NALF1: variants seen among roughly 807,000 people sequenced by gnomAD.
NALF1 encodes family with sequence similarity 155 member A.
In NALF1, 3 loss-of-function variants were observed where a neutral mutation model predicts 48.4. That is an observed-to-expected ratio of 0.06 (90% CI 0.03 to 0.16). The LOEUF (loss-of-function observed/expected upper bound fraction) is 0.16, where lower values mean the gene tolerates loss of function less well. Among genes scored for constraint, NALF1 ranks in the 10% least tolerant of loss-of-function variants. The pLI is 1.00. For synonymous variants in NALF1, 262 were observed against 245.7 expected (o/e 1.07, Z -0.62); for missense variants, 526 against 571.5 (o/e 0.92, Z 0.81).
In NALF1 at chr13:107,338,862, G is replaced by A. The variant is rs1882612606; in HGVS notation, c.916-128107C>T. 5.3e-5 allele frequency among the ~76,000 whole-genome samples: 8 copies of A among 152,152 alleles called. 1 individual carries two copies. Among genetic ancestry groups the A allele is most frequent in the Admixed American group, 5.2e-4 (8 of 15,274 alleles). On this transcript the variant is annotated intron_variant, in intron 1 of 2. Coordinates refer to ENST00000375915, the MANE Select transcript of NALF1 (RefSeq NM_001080396.3). ...AGTTACAGCTTGACGGCCGGGAGCTGTGGCTCATGCCTGTAATCCCAGTAC... is the reference window on the plus strand; with the variant it reads ...AGTTACAGCTTGACGGCCGGGAGCTATGGCTCATGCCTGTAATCCCAGTAC...
At chr13:107,361,314 G>C (rs564797605) in intron 1 of NALF1, among the ~76,000 whole-genome samples, 112 of 152,264 alleles carry the variant, frequency 7.4e-4, no homozygotes, top group Admixed American at 1.4e-3. Context: ...GAAGTCCACC[G>C]AATGAACAAG....
At chr13:107,619,137 G>A (rs1037025956) in intron 1 of NALF1, among the ~76,000 whole-genome samples, 18 of 152,200 alleles carry the variant, frequency 1.2e-4, no homozygotes, top group African/African-American at 3.6e-4. Context: ...TATTTAAATG[G>A]CAATAGCCGT....
intron 1 of NALF1, among the ~76,000 whole-genome samples, chr13:107,476,275 T>C (rs1885176197): frequency 6.6e-6 from 1 of 152,078 alleles, no homozygotes; most frequent in African/African-American, 2.4e-5. Flanking sequence ...AGGCGGTGAT[T>C]ATAAAATAAA....
intron 1 of NALF1, among the ~76,000 whole-genome samples, chr13:107,668,876 T>C (rs543011783): frequency 1.7e-4 from 26 of 152,194 alleles, no homozygotes; most frequent in African/African-American, 3.9e-4. Context: ...GTGAGCTTCA[T>C]AGAAGACAGA....
At chr13:107,758,907 G>A (rs1246815658) in intron 1 of NALF1, among the ~76,000 whole-genome samples, 1 of 152,126 alleles carries the variant, frequency 6.6e-6, no homozygotes, top group Non-Finnish European at 1.5e-5. Context: ...CAAGACCACT[G>A]AAACCCTACC....
intron 2 of NALF1, among the ~76,000 whole-genome samples, chr13:107,201,175 CTATCT>C (rs1879509839): frequency 7.0e-6 from 1 of 142,164 alleles, no homozygotes; most frequent in African/African-American, 2.7e-5. Flanking sequence ...TATCATCTAT[CTATCT>C]ATCTATCTAT....
intron 1 of NALF1, among the ~76,000 whole-genome samples, chr13:107,828,732 G>C (rs1364220464): frequency 6.6e-6 from 1 of 151,338 alleles, no homozygotes; most frequent in Admixed American, 6.6e-5. Flanking sequence ...ATTTCTGCTT[G>C]GAGAAGCAAA....
At chr13:107,307,589 T>C (rs1196343415) in intron 1 of NALF1, among the ~76,000 whole-genome samples, 1 of 150,478 alleles carries the variant, frequency 6.6e-6, no homozygotes, top group African/African-American at 2.4e-5. Context: ...GTTCAGGCGA[T>C]TCTCCTGCCT....
intron 1 of NALF1, among the ~76,000 whole-genome samples, chr13:107,657,656 C>A (rs1178113071): frequency 6.6e-6 from 1 of 152,130 alleles, no homozygotes; most frequent in East Asian, 1.9e-4. Flanking sequence ...AGTGACTACT[C>A]TGAATACTCA....
intron 1 of NALF1, among the ~76,000 whole-genome samples, chr13:107,443,048 G>C (rs1420737308): frequency 6.6e-6 from 1 of 152,050 alleles, no homozygotes; most frequent in Non-Finnish European, 1.5e-5. Flanking sequence ...ATATTAAGAA[G>C]GCAGCATTTG....
In NALF1 at chr13:107,866,648, G is replaced by A. The variant is rs1027083334; in HGVS notation, c.-52C>T. The A allele has an allele frequency of 2.0e-6, 3 of 1,479,750 alleles. No homozygotes were observed. Among genetic ancestry groups the A allele is most frequent in the Non-Finnish European group, 2.7e-6 (3 of 1,092,548 alleles). 91.7% of individuals were successfully genotyped at this position (1,479,750 alleles called of 1,614,324 possible). On this transcript the variant is annotated 5_prime_UTR_variant, in exon 1 of 3. Transcript: ENST00000375915. The surrounding 1 kb of genome is among the most constrained non-coding windows in gnomAD (Gnocchi z 4.4). ...ACTCCACCGTGAGGGCGCCTGTGCC[G>A]GTGTCACCACAATATGCATTGACTT...
chr13:107,619,153 C>G (rs933554071), intron 1 of NALF1, among the ~76,000 whole-genome samples: 2 of 152,202 alleles, frequency 1.3e-5, no homozygotes, highest in Non-Finnish European at 1.5e-5. Flanking sequence ...GCCGTGGTGT[C>G]TGGTGAACAC....
At chr13:107,558,028 G>A (rs1445890914) in intron 1 of NALF1, among the ~76,000 whole-genome samples, 1 of 151,980 alleles carries the variant, frequency 6.6e-6, no homozygotes, top group Non-Finnish European at 1.5e-5. Context: ...ACTGAGCACA[G>A]GAAACACAAC....
chr13:107,866,765 TCTCTCC>T lies in NALF1; in HGVS notation c.-175_-170del, dbSNP rs947273650. The T allele has an allele frequency of 9.3e-5, 56 of 603,186 alleles. 1 individual carries two copies. Among genetic ancestry groups the T allele is most frequent in the South Asian group, 2.8e-4 (14 of 49,216 alleles). 37.4% of individuals were successfully genotyped at this position (603,186 alleles called of 1,614,324 possible). On this transcript the variant is annotated 5_prime_UTR_variant, in exon 1 of 3. Coordinates refer to ENST00000375915, the MANE Select transcript of NALF1 (RefSeq NM_001080396.3). The surrounding 1 kb of genome is among the most constrained non-coding windows in gnomAD (Gnocchi z 4.4). The stretch of plus-strand genomic sequence containing the variant: ...CCCCTCTCCCTCTCTCCTCTCTCTC[TCTCTCC>T]CTCTCCCTCTCTTTTATCTCTCTCT...
chr13:107,303,601 CCT>C (rs956371257), intron 1 of NALF1, among the ~76,000 whole-genome samples: 22 of 152,114 alleles, frequency 1.4e-4, no homozygotes, highest in African/African-American at 4.3e-4. Context: ...AACACCATCC[CCT>C]GTTTTCATTA....
chr13:107,698,587 C>G (rs1043657041), intron 1 of NALF1, among the ~76,000 whole-genome samples: 7 of 151,964 alleles, frequency 4.6e-5, no homozygotes, highest in Admixed American at 1.3e-4. Context: ...ATGCTCTTTA[C>G]TGATTACTTG....
chr13:107,433,924 G>A (rs1594060766), intron 1 of NALF1, among the ~76,000 whole-genome samples: 1 of 152,298 alleles, frequency 6.6e-6, no homozygotes, highest in African/African-American at 2.4e-5. Flanking sequence ...TGTGTTTGAA[G>A]AGGACCCAGG....
intron 1 of NALF1, among the ~76,000 whole-genome samples, chr13:107,464,226 T>TAA (rs34761329): frequency 1.5e-4 from 22 of 151,124 alleles, no homozygotes; most frequent in East Asian, 5.8e-4. Flanking sequence ...CAACTCACAT[T>TAA]AAAAAAAAAC....
intron 1 of NALF1, among the ~76,000 whole-genome samples, chr13:107,311,995 AT>A (rs1882055429): frequency 6.6e-6 from 1 of 152,214 alleles, no homozygotes; most frequent in Admixed American, 6.5e-5. Flanking sequence ...TAGTTTAATC[AT>A]TGTGGAAGTC....
Sources: allele counts gnomAD v4.1 joint callset (sites outside exome capture counted in the v4.1 genomes callset), GRCh38; gene constraint gnomAD v4.1.1; non-coding constraint Gnocchi (gnomAD v3.1); transcripts MANE v1.5; gene names NCBI Gene and HGNC (gene_info 2026-07-23, HGNC 2026-07-21).